ID4: variants seen among roughly 807,000 people sequenced by gnomAD.
The protein encoded by ID4 is DNA-binding protein inhibitor ID-4.
A neutral mutation model predicts 8.6 loss-of-function variants in ID4; 9 were observed. The ratio of observed to expected loss-of-function variants is 1.04; its 90% CI spans 0.63 to 1.82. The LOEUF is 1.82. Among genes scored for constraint, ID4 ranks in the 40% most tolerant of loss-of-function variants. The pLI is 0.00. For missense variants in ID4, 270 were observed against 235.1 expected (o/e 1.15, Z -0.97); for synonymous variants, 180 against 118.0 (o/e 1.53, Z -3.41).
chr6:19,837,914 G>C lies in ID4; in HGVS notation c.160G>C (p.Glu54Gln). 1.3e-5 allele frequency: 18 copies of C among 1,422,878 alleles called. No individual in the cohort carries two copies. Among genetic ancestry groups the C allele is most frequent in the Non-Finnish European group, 1.7e-5 (18 of 1,079,068 alleles). The allele number at this position is 1,422,878 out of a possible 1,614,324, so 88.1% of individuals were successfully genotyped here. ...GGCGGCAGCGCGCTGTAAGGCGGCC[G>C]AGGCGGCGGCCGACGAGCCGGCGCT... ...AAAAARCKAA[E>Q]AAADEPALCL... The change falls in exon 1 of 3, where the codon GAG (glutamate) becomes CAG (glutamine). Residue 54 changes from glutamate (E) to glutamine (Q), a missense_variant. Glu to Gln is a conservative substitution (Grantham distance 29). Coordinates refer to ENST00000378700, the MANE Select transcript of ID4 (RefSeq NM_001546.4).
intron 2 of ID4, 36 bp downstream of exon 2, chr6:19,838,678 C>G: frequency 1.3e-6 from 2 of 1,588,444 alleles, no homozygotes; most frequent in Non-Finnish European, 1.7e-6. Context: ...TGGCCGGTCA[C>G]CAGAGACGCC....
chr6:19,838,322 C>G (rs978289122), intron 1 of ID4, 127 bp downstream of exon 1: 1 of 1,048,588 alleles, frequency 9.5e-7, no homozygotes, highest in Non-Finnish European at 1.3e-6. Flanking sequence ...CCCCCTCCCC[C>G]TGCTCCTCCG....
chr6:19,838,444 G>A (rs1324150126), intron 1 of ID4, 140 bp from the exon 2 acceptor site: 3 of 1,198,460 alleles, frequency 2.5e-6, no homozygotes, highest in Non-Finnish European at 3.6e-6. Context: ...TCCCGCCTGA[G>A]CCCGGAGGGG....
chr6:19,840,859 GTGAA>G lies in ID4; in HGVS notation c.*1665_*1668del, dbSNP rs1298175451. 6.6e-6 allele frequency among the ~76,000 whole-genome samples: 1 copy of G among 152,172 alleles called. No individual in the cohort carries two copies. The highest frequency in any genetic ancestry group is 1.5e-5 in the Non-Finnish European group (1 of 68,026). On this transcript the variant is annotated 3_prime_UTR_variant, in exon 3 of 3. Coordinates refer to ENST00000378700, the MANE Select transcript of ID4 (RefSeq NM_001546.4). ...ACACAAGTTAGATGGAATTTTTAGA[GTGAA>G]AGAATTAAGTAGGATTTAATTGGGT...
Position 19,840,674 on chromosome 6 carries a change from T to TCTGTCTTGTA in ID4, c.*1484_*1493dup, listed in dbSNP as rs1458832864. ...ACATGTGAATATTAAAGTAGATTTC[T>TCTGTCTTGTA]CTGTCTTGTACTGTGATTTCTGGTC... On this transcript the variant is annotated 3_prime_UTR_variant, in exon 3 of 3. Coordinates refer to ENST00000378700, the MANE Select transcript of ID4 (RefSeq NM_001546.4). 5.2e-5 allele frequency: 8 copies of TCTGTCTTGTA among 152,424 alleles called. No individual in the cohort carries two copies. Among genetic ancestry groups the TCTGTCTTGTA allele is most frequent in the Non-Finnish European group, 7.4e-5 (5 of 68,024 alleles). The allele number at this position is 152,424 out of a possible 1,614,324, so 9.4% of individuals were successfully genotyped here.
rs1761343551 is a variant in ID4 at position 19,840,683 on chromosome 6, T to C, written c.*1488T>C. The C allele has an allele frequency of 6.6e-6, 1 of 152,374 alleles. No homozygotes were observed. The highest frequency in any genetic ancestry group is 3.4e-3 in the Middle Eastern group (1 of 294). The allele number at this position is 152,374 out of a possible 1,614,324, so 9.4% of individuals were successfully genotyped here. On this transcript the variant is annotated 3_prime_UTR_variant, in exon 3 of 3. Transcript: ENST00000378700. ...TATTAAAGTAGATTTCTCTGTCTTGTACTGTGATTTCTGGTCTCATTTCTT... is the reference window on the plus strand; with the variant it reads ...TATTAAAGTAGATTTCTCTGTCTTGCACTGTGATTTCTGGTCTCATTTCTT...
In ID4 at chr6:19,837,873, C is replaced by T. The variant is rs1761255210; in HGVS notation, c.119C>T (p.Ala40Val). ...EHGHSLGGSA[A>V]AAAAAAAARC... ...GGCCACAGCCTGGGTGGCTCCGCAG[C>T]CGCGGCGGCGGCGGCGGCGGCAGCG... Residue 40 changes from alanine to valine, a missense_variant, in exon 1 of 3, where the codon GCC (alanine) becomes GTC (valine). Physicochemically the swap from Ala to Val is moderately conservative, Grantham distance 64. Transcript: ENST00000378700. 1.6e-6 allele frequency: 2 copies of T among 1,277,826 alleles called. No individual in the cohort carries two copies. The highest frequency in any genetic ancestry group is 3.4e-5 in the East Asian group (1 of 29,148). 79.2% of individuals were successfully genotyped at this position (1,277,826 alleles called of 1,614,324 possible).
rs1172888470 is a variant in ID4, at chr6:19,841,034, A to C, written c.*1839A>C. 6.6e-6 allele frequency among the ~76,000 whole-genome samples: 1 copy of C among 152,212 alleles called. No individual in the cohort carries two copies. The highest frequency in any genetic ancestry group is 1.5e-5 in the Non-Finnish European group (1 of 68,020). On this transcript the variant is annotated 3_prime_UTR_variant, in exon 3 of 3. Transcript: ENST00000378700. ...AAATTCAGATATTTATATGAATATGAAATACCATGGTCCCTAGTAGTCAGT... is the reference window on the plus strand; with the variant it reads ...AAATTCAGATATTTATATGAATATGCAATACCATGGTCCCTAGTAGTCAGT...
rs1376212459 is a variant in ID4 at position 19,837,832 on chromosome 6, C to T, written c.78C>T (p.Arg26=). 21 of 1,159,148 alleles carry T rather than the reference C, an allele frequency of 1.8e-5. No individual in the cohort carries two copies. Among genetic ancestry groups the T allele is most frequent in the Non-Finnish European group, 1.5e-5 (14 of 941,532 alleles). 71.8% of individuals were successfully genotyped at this position (1,159,148 alleles called of 1,614,324 possible). A position where few individuals can be genotyped will look rare whatever the true frequency, so the allele number is the denominator to read the frequency against. Residue 26 remains arginine, a synonymous_variant, in exon 1 of 3, where the codon CGC becomes CGT. Coordinates refer to ENST00000378700, the MANE Select transcript of ID4 (RefSeq NM_001546.4). ...SGCGGGELAL[R]CLAEHGHSLG... Reference sequence around the variant, plus strand: ...GCGGCGGCGGGGAGCTGGCGCTGCGCTGCCTGGCCGAGCACGGCCACAGCC... The same window carrying T: ...GCGGCGGCGGGGAGCTGGCGCTGCGTTGCCTGGCCGAGCACGGCCACAGCC...
Position 19,841,289 on chromosome 6 carries a change from CAAG to C in ID4, c.*2100_*2102del, listed in dbSNP as rs1761355582. On this transcript the variant is annotated 3_prime_UTR_variant, in exon 3 of 3. Coordinates refer to ENST00000378700, the MANE Select transcript of ID4 (RefSeq NM_001546.4). ...GATATTATTCATTCTTGTCACACATCAAGAAGAAAACACTAGAGTGCTGCTGGA... is the reference window on the plus strand; with the variant it reads ...GATATTATTCATTCTTGTCACACATCAAGAAAACACTAGAGTGCTGCTGGA... Among the ~76,000 whole-genome samples, 1 of 152,018 alleles carries C rather than the reference CAAG, an allele frequency of 6.6e-6. No homozygotes were observed. The highest frequency in any genetic ancestry group is 6.6e-5 in the Admixed American group (1 of 15,258).
rs1043607288 is a variant in ID4, at chr6:19,840,471, A to G, written c.*1276A>G. The G allele has an allele frequency of 1.2e-4, 14 of 113,242 alleles. No homozygotes were observed. The highest frequency in any genetic ancestry group is 2.3e-4 in the African/African-American group (8 of 34,604). 7.0% of individuals were successfully genotyped at this position (113,242 alleles called of 1,614,324 possible). A position where few individuals can be genotyped will look rare whatever the true frequency, so the allele number is the denominator to read the frequency against. ...AAGAATTAATAGGCAACAGTGGGAG[A>G]AAAAAAAGGCATAATGGCAAATCCT... On this transcript the variant is annotated 3_prime_UTR_variant, in exon 3 of 3. Coordinates refer to ENST00000378700, the MANE Select transcript of ID4 (RefSeq NM_001546.4).
intron 2 of ID4, 185 bp from the exon 3 acceptor site, chr6:19,839,025 C>T (rs1396160918): frequency 9.3e-6 from 2 of 214,854 alleles, no homozygotes; most frequent in African/African-American, 4.7e-5. Flanking sequence ...AGTGGGTCCC[C>T]TCTCCGGGCT....
Position 19,838,164 on chromosome 6 carries a change from G to T in ID4, c.410G>T (p.Arg137Leu). Residue 137 changes from arginine to leucine, a missense_variant, in exon 1 of 3, where the codon CGG (arginine) becomes CTG (leucine). Arg to Leu is a moderately radical substitution (Grantham distance 102, BLOSUM62 -2). This residue lies in a region of ID4 where 107 missense variants were observed against 81.0 expected (regional missense o/e 1.32). Transcript: ENST00000378700. The stretch of plus-strand genomic sequence containing the variant: ...GGGACCTGTCCAGCCGCGCCGCCGC[G>T]GACCCCGCTCACTGCGCTCAACACC... ...PAGTCPAAPP[R>L]TPLTALNTDP... is the part of the protein sequence containing the mutation. 6.6e-7 allele frequency: 1 copy of T among 1,507,670 alleles called. No homozygotes were observed. 93.4% of individuals were successfully genotyped at this position (1,507,670 alleles called of 1,614,324 possible).
Position 19,839,424 on chromosome 6 carries a change from CTCT to C in ID4, c.*232_*234del, listed in dbSNP as rs1159376977. Reference sequence around the variant, plus strand: ...ATTCTACATACGTATTCTCTTTTGTCTCTTCATTTATAACTGCTGTGAATTGTA... The same window carrying C: ...ATTCTACATACGTATTCTCTTTTGTCTCATTTATAACTGCTGTGAATTGTA... On this transcript the variant is annotated 3_prime_UTR_variant, in exon 3 of 3. Coordinates refer to ENST00000378700, the MANE Select transcript of ID4 (RefSeq NM_001546.4). 2 of 152,640 alleles carry C rather than the reference CTCT, an allele frequency of 1.3e-5. No individual in the cohort carries two copies. The highest frequency in any genetic ancestry group is 2.9e-5 in the Non-Finnish European group (2 of 68,032). 9.5% of individuals were successfully genotyped at this position (152,640 alleles called of 1,614,324 possible).
rs181177499 is a variant in ID4 at position 19,840,527 on chromosome 6, A to G, written c.*1332A>G. On this transcript the variant is annotated 3_prime_UTR_variant, in exon 3 of 3. Transcript: ENST00000378700. ...CAGGGATAAAAGTCGATCTTCAAACATTAACTTAAGCAGACCAAAAATTCT... is the reference window on the plus strand; with the variant it reads ...CAGGGATAAAAGTCGATCTTCAAACGTTAACTTAAGCAGACCAAAAATTCT... The G allele has an allele frequency of 1.1e-4, 17 of 152,742 alleles. No homozygotes were observed. The highest frequency in any genetic ancestry group is 4.1e-4 in the African/African-American group (17 of 41,586). 9.5% of individuals were successfully genotyped at this position (152,742 alleles called of 1,614,324 possible). A position where few individuals can be genotyped will look rare whatever the true frequency, so the allele number is the denominator to read the frequency against.
Position 19,838,179 on chromosome 6 carries a change from C to T in ID4, c.425C>T (p.Ala142Val), listed in dbSNP as rs1761267795. The part of the protein sequence containing the change: ...PAAPPRTPLT[A>V]LNTDPAGAVN... ...GCGCCGCCGCGGACCCCGCTCACTG[C>T]GCTCAACACCGACCCGGTGAGAGGC... Residue 142 changes from alanine to valine, a missense_variant, in exon 1 of 3, where the codon GCG (alanine) becomes GTG (valine). By Grantham distance (64) the Ala-to-Val change is moderately conservative. This residue lies in a region of ID4 where 107 missense variants were observed against 81.0 expected (regional missense o/e 1.32). Coordinates refer to ENST00000378700, the MANE Select transcript of ID4 (RefSeq NM_001546.4). The T allele has an allele frequency of 6.9e-7, 1 of 1,450,298 alleles. No individual in the cohort carries two copies. The highest frequency in any genetic ancestry group is 9.1e-7 in the Non-Finnish European group (1 of 1,101,786). The allele number at this position is 1,450,298 out of a possible 1,614,324, so 89.8% of individuals were successfully genotyped here. A position where few individuals can be genotyped will look rare whatever the true frequency, so the allele number is the denominator to read the frequency against.
chr6:19,838,879 G>C, intron 2 of ID4: 3 of 554,916 alleles, frequency 5.4e-6, no homozygotes, highest in Non-Finnish European at 9.6e-6. Flanking sequence ...CCGTCCCCGT[G>C]TTTTTTCTGG....
intron 1 of ID4, 105 bp from the exon 2 acceptor site, chr6:19,838,479 G>T: frequency 6.8e-7 from 1 of 1,472,540 alleles, no homozygotes. Flanking sequence ...GGCTGGGGTG[G>T]GGGCGTCGGC....
In ID4 at chr6:19,837,903, G is replaced by C; in HGVS notation, c.149G>C (p.Cys50Ser). ...AAAAAAAAAR[C>S]KAAEAAADEP... ...GCGGCGGCGGCGGCGGCAGCGCGCT[G>C]TAAGGCGGCCGAGGCGGCGGCCGAC... The change falls in exon 1 of 3, where the codon TGT becomes TCT. Residue 50 changes from cysteine (C) to serine (S), a missense_variant. By Grantham distance (112) the Cys-to-Ser change is moderately radical. This residue lies in a region of ID4 where 160 missense variants were observed against 131.5 expected (regional missense o/e 1.22). Coordinates refer to ENST00000378700, the MANE Select transcript of ID4 (RefSeq NM_001546.4). 1 of 1,407,088 alleles carries C rather than the reference G, an allele frequency of 7.1e-7. No individual in the cohort carries two copies. The highest frequency in any genetic ancestry group is 3.2e-5 in the East Asian group (1 of 31,622). 87.2% of individuals were successfully genotyped at this position (1,407,088 alleles called of 1,614,324 possible). A position where few individuals can be genotyped will look rare whatever the true frequency, so the allele number is the denominator to read the frequency against.
Sources: allele counts gnomAD v4.1 joint callset (sites outside exome capture counted in the v4.1 genomes callset), GRCh38; gene constraint gnomAD v4.1.1; regional missense constraint gnomAD v4.1.1; transcripts MANE v1.5; gene names NCBI Gene and HGNC (gene_info 2026-07-23, HGNC 2026-07-21).